RASA3: variants seen among roughly 807,000 people sequenced by gnomAD.
The protein encoded by RASA3 is ras GTPase-activating protein 3.
In RASA3, 73 loss-of-function variants were observed where a neutral mutation model predicts 110.0. The observed-to-expected ratio is 0.66, with a 90% CI of 0.55 to 0.81. The LOEUF (loss-of-function observed/expected upper bound fraction) is 0.81, where lower values mean the gene tolerates loss of function less well. RASA3 is among the 30% of genes least tolerant of loss of function. RASA3 has a pLI of 0.00. For missense variants in RASA3, 976 were observed against 1,113.2 expected (o/e 0.88, Z 1.75); for synonymous variants, 500 against 451.4 (o/e 1.11, Z -1.37).
intron 9 of RASA3, among the ~76,000 whole-genome samples, chr13:114,019,172 G>A (rs1368056897): frequency 6.6e-6 from 1 of 152,194 alleles, no homozygotes; most frequent in Non-Finnish European, 1.5e-5. Context: ...GGATGGGGGT[G>A]GAACGTGGCA....
chr13:114,027,711 G>C (rs762274841), intron 6 of RASA3, 136 bp downstream of exon 6: 5 of 972,780 alleles, frequency 5.1e-6, no homozygotes, highest in South Asian at 2.7e-5. Flanking sequence ...GAAAACAAAA[G>C]GAAGTAAAAA....
At chr13:114,075,973 C>T (rs1044334905) in intron 1 of RASA3, among the ~76,000 whole-genome samples, 8 of 144,434 alleles carry the variant, frequency 5.5e-5, no homozygotes, top group Admixed American at 2.0e-4. Context: ...GTGGAGGCGC[C>T]GGCAGGACGA....
At chr13:114,019,202 C>T (rs956054330) in intron 9 of RASA3, among the ~76,000 whole-genome samples, 7 of 152,180 alleles carry the variant, frequency 4.6e-5, no homozygotes, top group South Asian at 2.1e-4. Context: ...TTCCGGGAAC[C>T]GGCACAGAAG....
At chr13:114,036,971 T>C (rs1034553743) in intron 4 of RASA3, among the ~76,000 whole-genome samples, 6 of 152,190 alleles carry the variant, frequency 3.9e-5, no homozygotes, top group Admixed American at 2.0e-4. Flanking sequence ...TGGAGAGCAA[T>C]GACCTTGCCT....
intron 15 of RASA3, among the ~76,000 whole-genome samples, chr13:114,012,045 G>A (rs920652176): frequency 2.0e-5 from 3 of 151,996 alleles, no homozygotes; most frequent in Non-Finnish European, 2.9e-5. Flanking sequence ...TGAGAGCTGC[G>A]GCCCCAGCAA....
rs1358154129 is a variant in RASA3, at chr13:114,096,279, C to T, written c.56-22442G>A. Among the ~76,000 whole-genome samples the T allele has an allele frequency of 6.6e-6, 1 of 152,182 alleles. No homozygotes were observed. Among genetic ancestry groups the T allele is most frequent in the Non-Finnish European group, 1.5e-5 (1 of 68,016 alleles). On this transcript the variant is annotated intron_variant, in intron 1 of 23. Transcript: ENST00000334062. The surrounding 1 kb of genome is among the most constrained non-coding windows in gnomAD (Gnocchi z 5.1). ...TCGAAAATGCAGGGTGACCCTGGCGCAGGATCGGGTCTGAGAGCTGCTCAC... is the reference window on the plus strand; with the variant it reads ...TCGAAAATGCAGGGTGACCCTGGCGTAGGATCGGGTCTGAGAGCTGCTCAC...
intron 20 of RASA3, among the ~76,000 whole-genome samples, chr13:113,998,270 C>T (rs1301081311): frequency 2.0e-5 from 3 of 152,052 alleles, no homozygotes; most frequent in Admixed American, 6.6e-5. Context: ...CCCCTCTTCC[C>T]AACCCTTCTC....
intron 20 of RASA3, among the ~76,000 whole-genome samples, chr13:113,997,955 C>A (rs936963189): frequency 6.6e-6 from 1 of 152,196 alleles, no homozygotes; most frequent in African/African-American, 2.4e-5. Flanking sequence ...CCATGGAGGG[C>A]GTCCTGGCCA....
At chr13:114,054,955 T>G (rs2079213776) in intron 2 of RASA3, among the ~76,000 whole-genome samples, 2 of 138,034 alleles carry the variant, frequency 1.4e-5, no homozygotes, top group South Asian at 4.8e-4. Flanking sequence ...CATGTGTGTG[T>G]GGGTGTGTGC....
At chr13:114,093,054 C>A (rs2079905607) in intron 1 of RASA3, among the ~76,000 whole-genome samples, 1 of 152,172 alleles carries the variant, frequency 6.6e-6, no homozygotes, top group South Asian at 2.1e-4. Context: ...TTTGGTGTCA[C>A]AATTTATATT....
chr13:114,018,164 T>G lies in RASA3; in HGVS notation c.1031A>C (p.His344Pro). ...GATGAATGGCACCACCCTGCCATAGTGTAGGAAGAGCCGCACCAGCGGGAC... is the reference window on the plus strand; with the variant it reads ...GATGAATGGCACCACCCTGCCATAGGGTAGGAAGAGCCGCACCAGCGGGAC... The part of the protein sequence containing the change: ...AAVPLVRLFL[H>P]YGRVVPFISA... Residue 344 changes from histidine (H) to proline (P), a missense_variant, in exon 11 of 24, where the codon CAC becomes CCC. Physicochemically the swap from His to Pro is moderately conservative, Grantham distance 77. Transcript: ENST00000334062. The G allele has an allele frequency of 3.2e-6, 5 of 1,550,966 alleles. No individual in the cohort carries two copies. The highest frequency in any genetic ancestry group is 4.4e-6 in the Non-Finnish European group (5 of 1,147,224).
chr13:114,009,464 C>T lies in RASA3; in HGVS notation c.1591G>A (p.Ala531Thr). 1 of 1,607,112 alleles carries T rather than the reference C, an allele frequency of 6.2e-7. No homozygotes were observed. Among genetic ancestry groups the T allele is most frequent in the South Asian group, 1.1e-5 (1 of 90,912 alleles). The change falls in exon 17 of 24, where the codon GCG (alanine) becomes ACG (threonine). Residue 531 changes from alanine to threonine, a missense_variant and splice_region_variant. Around this residue, in one of 4 missense-constraint regions of RASA3, gnomAD observed 732 missense variants for 779.7 expected, o/e 0.94. Transcript: ENST00000334062. ...GCCATGTAGGACTCCTTAAAACTCG[C>T]CTAAAATGAAACGGAGATCACTCGA... ...TLGSLSKSKS[A>T]SFKESYMATF...
intron 3 of RASA3, among the ~76,000 whole-genome samples, chr13:114,051,428 G>C (rs1159308802): frequency 1.3e-5 from 2 of 152,236 alleles, no homozygotes; most frequent in African/African-American, 4.8e-5. Context: ...CTGCATTTAG[G>C]AACAAGGAGC....
intron 4 of RASA3, among the ~76,000 whole-genome samples, chr13:114,038,319 C>T (rs1279623999): frequency 6.6e-6 from 1 of 152,252 alleles, no homozygotes; most frequent in Non-Finnish European, 1.5e-5. Context: ...CGCCTTTCTG[C>T]CGGGACGCCA....
chr13:113,995,632 A>AGCTGACG (rs2053216559), intron 21 of RASA3, among the ~76,000 whole-genome samples: 8 of 138,344 alleles, frequency 5.8e-5, no homozygotes, highest in Admixed American at 5.0e-4. Flanking sequence ...GGGGCCTGAC[A>AGCTGACG]GGGGGCCCAG....
intron 3 of RASA3, among the ~76,000 whole-genome samples, chr13:114,042,048 G>A (rs990924112): frequency 2.6e-5 from 4 of 152,244 alleles, no homozygotes; most frequent in Non-Finnish European, 5.9e-5. Flanking sequence ...ATACGTATCA[G>A]AATATATTTG....
At chr13:113,995,650 G>A (rs547622950) in intron 21 of RASA3, among the ~76,000 whole-genome samples, 11 of 140,522 alleles carry the variant, frequency 7.8e-5, no homozygotes, top group African/African-American at 2.2e-4. Context: ...CAGCTGACGG[G>A]GGGCCCAGCT....
At chr13:114,130,803 T>A (rs763992942) in intron 1 of RASA3, among the ~76,000 whole-genome samples, 53 of 152,278 alleles carry the variant, frequency 3.5e-4, no homozygotes, top group Middle Eastern at 6.8e-3. Flanking sequence ...GACCTGGCAC[T>A]GCCCCACAGG....
rs1280703215 is a variant in RASA3, at chr13:114,057,423, A to G, written c.174-5268T>C. On this transcript the variant is annotated intron_variant, in intron 2 of 23. Transcript: ENST00000334062. This position sits in a 1 kb window ranked among gnomAD's most constrained non-coding sequence, Gnocchi z 5.0. ...GAGGCGGCCGTGCTACAGGCCTTGCACTCATTTTAATGAAGGCTCTGCAGG... is the reference window on the plus strand; with the variant it reads ...GAGGCGGCCGTGCTACAGGCCTTGCGCTCATTTTAATGAAGGCTCTGCAGG... 12 of 985,238 alleles carry G rather than the reference A, an allele frequency of 1.2e-5. No homozygotes were observed. 61.0% of individuals were successfully genotyped at this position (985,238 alleles called of 1,614,324 possible).
Sources: gnomAD v4.1 joint callset for allele counts (sites outside exome capture counted in the v4.1 genomes callset) on GRCh38, gnomAD v4.1.1 for gene constraint, gnomAD v4.1.1 regional missense constraint, Gnocchi (gnomAD v3.1) non-coding constraint, MANE v1.5 for transcripts, NCBI Gene and HGNC (gene_info 2026-07-23, HGNC 2026-07-21) for gene names.